Variants in KAT6A observed in about 807,000 individuals in gnomAD.
The protein encoded by KAT6A is histone acetyltransferase KAT6A.
Under a neutral mutation model 198.4 loss-of-function variants are expected in KAT6A, and 9 were observed. The ratio of observed to expected loss-of-function variants is 0.05; its 90% CI spans 0.03 to 0.08. The LOEUF is 0.08. Ranked by LOEUF, KAT6A falls within the 10% of genes least tolerant of loss-of-function variation. The probability of loss-of-function intolerance (pLI) is 1.00; values close to 1 mark genes in which losing one functional copy is unlikely to be tolerated. For synonymous variants in KAT6A, 890 were observed against 883.0 expected (o/e 1.01, Z -0.14); for missense variants, 2,077 against 2,509.9 (o/e 0.83, Z 3.69).
At chr8:42,043,036 T>C (rs1057136908) in intron 2 of KAT6A, among the ~76,000 whole-genome samples, 11 of 152,252 alleles carry the variant, frequency 7.2e-5, no homozygotes, top group African/African-American at 1.9e-4. Flanking sequence ...TGAGTCATGA[T>C]ACTTAATTGT....
intron 10 of KAT6A, 25 bp from the exon 11 acceptor site, chr8:41,947,937 A>G: frequency 6.4e-7 from 1 of 1,553,402 alleles, no homozygotes; most frequent in Non-Finnish European, 8.7e-7. Flanking sequence ...AGAACAAAAC[A>G]GTCAGTAGAG....
chr8:42,039,366 C>A (rs1415589293), intron 2 of KAT6A, among the ~76,000 whole-genome samples: 1 of 152,146 alleles, frequency 6.6e-6, no homozygotes, highest in African/African-American at 2.4e-5. Flanking sequence ...TCTATTTAAA[C>A]CAGCAAACTC....
chr8:41,975,199 G>A (rs1188136539), intron 7 of KAT6A, among the ~76,000 whole-genome samples: 1 of 151,978 alleles, frequency 6.6e-6, no homozygotes, highest in Non-Finnish European at 1.5e-5. Flanking sequence ...AAAACCTCTT[G>A]AGTAGCTACC....
rs1587705435 is a variant in KAT6A at position 41,932,309 on chromosome 8, T to G, written c.5911A>C (p.Asn1971His). 4 of 1,614,224 alleles carry G rather than the reference T, an allele frequency of 2.5e-6. No homozygotes were observed. In the East Asian group the frequency reaches 8.9e-5, roughly 36 times the overall value. Reference sequence around the variant, plus strand: ...GTGTACATCATGTTCCCATGAGGGTTAGGCTGCATAGGCTGCTGGGTATAG... The same window carrying G: ...GTGTACATCATGTTCCCATGAGGGTGAGGCTGCATAGGCTGCTGGGTATAG... ...QAYTQQPMQPNPHGNMMYTGP... is the reference protein window; with the variant it reads ...QAYTQQPMQPHPHGNMMYTGP... The change falls in exon 17 of 17, where the codon AAC becomes CAC. Residue 1971 changes from asparagine to histidine, a missense_variant. Physicochemically the swap from Asn to His is moderately conservative, Grantham distance 68. This residue lies in a region of KAT6A where 500 missense variants were observed against 577.2 expected (regional missense o/e 0.87). Coordinates refer to ENST00000265713, the MANE Select transcript of KAT6A (RefSeq NM_006766.5).
chr8:41,994,963 G>T (rs1435847785), intron 2 of KAT6A, among the ~76,000 whole-genome samples: 4 of 152,062 alleles, frequency 2.6e-5, no homozygotes, highest in African/African-American at 9.7e-5. Context: ...GGCTGACGCA[G>T]GAGAATCGCT....
intron 2 of KAT6A, among the ~76,000 whole-genome samples, chr8:42,021,530 G>A (rs1192212978): frequency 6.6e-6 from 1 of 152,156 alleles, no homozygotes; most frequent in Non-Finnish European, 1.5e-5. Flanking sequence ...GGAGAATTAA[G>A]TAATTTAAAG....
At chr8:42,026,576 G>A (rs1193475860) in intron 2 of KAT6A, among the ~76,000 whole-genome samples, 2 of 151,900 alleles carry the variant, frequency 1.3e-5, no homozygotes, top group African/African-American at 4.8e-5. Flanking sequence ...TTTGTTATTG[G>A]TGTATGGAAA....
intron 2 of KAT6A, among the ~76,000 whole-genome samples, chr8:42,023,275 G>A (rs189205207): frequency 5.1e-4 from 77 of 152,166 alleles, no homozygotes; most frequent in African/African-American, 1.7e-3. Flanking sequence ...GAACACAAAA[G>A]CCTAGCACAT....
In KAT6A at chr8:41,979,804, G is replaced by A. The variant is rs539761567; in HGVS notation, c.908-1027C>T. Among the ~76,000 whole-genome samples the A allele has an allele frequency of 8.5e-4, 129 of 152,160 alleles. 4 individuals carry two copies. The highest frequency in any genetic ancestry group is 3.9e-3 in the South Asian group (19 of 4,816). The stretch of plus-strand genomic sequence containing the variant: ...TCACTTGAGGCCAGGAGTTCAAGAC[G>A]AGCCTGGCCAACATGGCAAAACCCC... On this transcript the variant is annotated intron_variant, in intron 5 of 16. Coordinates refer to ENST00000265713, the MANE Select transcript of KAT6A (RefSeq NM_006766.5).
At chr8:41,953,039 G>T (rs536579305) in intron 9 of KAT6A, among the ~76,000 whole-genome samples, 1 of 152,100 alleles carries the variant, frequency 6.6e-6, no homozygotes, top group South Asian at 2.1e-4. Flanking sequence ...CTTTCTACTG[G>T]TTCCTATTAT....
chr8:42,007,462 T>C (rs1352966260), intron 2 of KAT6A, among the ~76,000 whole-genome samples: 6 of 152,162 alleles, frequency 3.9e-5, no homozygotes, highest in African/African-American at 1.4e-4. Context: ...ATTATCTAGT[T>C]AAAGATAATC....
intron 8 of KAT6A, among the ~76,000 whole-genome samples, chr8:41,968,560 A>G (rs1564029325): frequency 2.6e-5 from 4 of 152,222 alleles, no homozygotes; most frequent in African/African-American, 9.6e-5. Context: ...TGTGGAAGTC[A>G]GTGTGGCGAT....
At chr8:41,956,990 C>G (rs963849807) in intron 8 of KAT6A, 2 of 512,212 alleles carry the variant, frequency 3.9e-6, no homozygotes, top group African/African-American at 1.9e-5. Flanking sequence ...TACCAGAAAC[C>G]AGATCTAACT....
chr8:41,971,678 A>G (rs1178129303), intron 8 of KAT6A, among the ~76,000 whole-genome samples: 1 of 151,736 alleles, frequency 6.6e-6, no homozygotes, highest in African/African-American at 2.4e-5. Flanking sequence ...AGGAAGTGGT[A>G]TAATCCAACC....
At chr8:42,026,350 AT>A in intron 2 of KAT6A, among the ~76,000 whole-genome samples, 1 of 152,232 alleles carries the variant, frequency 6.6e-6, no homozygotes, top group East Asian at 1.9e-4. Context: ...TAATCTGTAG[AT>A]TGCTTTGGGT....
chr8:41,942,677 A>G (rs1822196321), intron 14 of KAT6A, 116 bp downstream of exon 14: 1 of 1,153,458 alleles, frequency 8.7e-7, no homozygotes, highest in South Asian at 1.6e-5. Flanking sequence ...AACTCTTGAC[A>G]TTCTAATGTG....
intron 2 of KAT6A, among the ~76,000 whole-genome samples, chr8:42,039,504 G>A (rs1473255918): frequency 6.6e-6 from 1 of 152,086 alleles, no homozygotes; most frequent in Non-Finnish European, 1.5e-5. Flanking sequence ...TACAGCTTCA[G>A]GAAGACTGAA....
intron 13 of KAT6A, among the ~76,000 whole-genome samples, 188 bp downstream of exon 13, chr8:41,943,560 T>C (rs185148996): frequency 6.6e-4 from 100 of 152,194 alleles, no homozygotes; most frequent in South Asian, 1.9e-3. Context: ...AGCATATATA[T>C]AGACTATATA....
At position 41,941,012 on chromosome 8, in the gene KAT6A, C is replaced by A. The variant is rs374802138; in HGVS notation, c.2869G>T (p.Ala957Ser). The change falls in exon 15 of 17, where the codon GCT (alanine) becomes TCT (serine). Residue 957 changes from alanine to serine, a missense_variant. Ala to Ser is a moderately conservative substitution (Grantham distance 99, BLOSUM62 1). This residue lies in a region of KAT6A where 301 missense variants were observed against 272.2 expected (regional missense o/e 1.11). Transcript: ENST00000265713. ...WRGQLKKSPE[A>S]LKCRLTEGSE... ...CCTTCTGTTAATCTGCACTTCAGAG[C>A]CTCAGGGCTTTTCTTGAGCTGTCCT... is the stretch of plus-strand genomic sequence containing the variant. 77 of 1,614,066 alleles carry A rather than the reference C, an allele frequency of 4.8e-5. No homozygotes were observed. Among genetic ancestry groups the A allele is most frequent in the South Asian group, 1.6e-4 (15 of 91,084 alleles).
Sources: gnomAD v4.1 joint callset for allele counts (sites outside exome capture counted in the v4.1 genomes callset) on GRCh38, gnomAD v4.1.1 for gene constraint, gnomAD v4.1.1 regional missense constraint, MANE v1.5 for transcripts, NCBI Gene and HGNC (gene_info 2026-07-23, HGNC 2026-07-21) for gene names.